Variants in PPARGC1A observed in about 807,000 individuals in gnomAD.
PPARGC1A encodes PPARG coactivator 1 alpha, also known as peroxisome proliferator-activated receptor gamma coactivator 1-alpha.
In PPARGC1A, 25 loss-of-function variants were observed where a neutral mutation model predicts 88.7. That is an observed-to-expected ratio of 0.28 (90% CI 0.21 to 0.39). The LOEUF (loss-of-function observed/expected upper bound fraction) is 0.39. Ranked by LOEUF, PPARGC1A falls within the 10% of genes least tolerant of loss-of-function variation. The pLI, the probability that PPARGC1A is intolerant of heterozygous loss-of-function variation, is 1.00. For synonymous variants in PPARGC1A, 363 were observed against 355.6 expected (o/e 1.02, Z -0.24); for missense variants, 880 against 968.7 (o/e 0.91, Z 1.22).
At chr4:24,434,286 G>A in the PPARGC1A span, among the ~76,000 whole-genome samples, 6 of 152,182 alleles carry the variant, frequency 3.9e-5, no homozygotes, top group Non-Finnish European at 7.3e-5. Context: ...CTAGAATCAT[G>A]AGATTTTTCA....
the PPARGC1A span, among the ~76,000 whole-genome samples, chr4:24,272,855 G>A: frequency 0.044 from 6,753 of 152,316 alleles, 206 homozygotes; most frequent in Middle Eastern, 0.092. Flanking sequence ...GTAAGGGAAA[G>A]CTGTTTCCAG....
chr4:23,953,946 G>A, the PPARGC1A span, among the ~76,000 whole-genome samples: 3 of 151,924 alleles, frequency 2.0e-5, no homozygotes, highest in African/African-American at 7.2e-5. Context: ...AGACCGTACT[G>A]TCTACTAGAA....
At chr4:24,125,357 G>A in the PPARGC1A span, among the ~76,000 whole-genome samples, 1 of 152,028 alleles carries the variant, frequency 6.6e-6, no homozygotes, top group Admixed American at 6.6e-5. Context: ...CTCCCCATCT[G>A]CTTCTTCAAG....
intron 2 of PPARGC1A, among the ~76,000 whole-genome samples, chr4:23,852,965 T>C (rs1443204008): frequency 6.6e-6 from 1 of 152,220 alleles, no homozygotes; most frequent in Non-Finnish European, 1.5e-5. Flanking sequence ...TTTTGCAGGT[T>C]AACAGGATGG....
the PPARGC1A span, among the ~76,000 whole-genome samples, chr4:24,299,075 G>A: frequency 6.6e-6 from 1 of 152,096 alleles, no homozygotes; most frequent in Non-Finnish European, 1.5e-5. Context: ...CCAAGAAGGG[G>A]ATAAAATATT....
At chr4:24,171,240 T>G in the PPARGC1A span, among the ~76,000 whole-genome samples, 1 of 152,052 alleles carries the variant, frequency 6.6e-6, no homozygotes, top group Non-Finnish European at 1.5e-5. Flanking sequence ...ACCCTGTCTC[T>G]ACTAAAAATA....
At chr4:24,269,008 G>A in the PPARGC1A span, among the ~76,000 whole-genome samples, 1 of 151,968 alleles carries the variant, frequency 6.6e-6, no homozygotes, top group Non-Finnish European at 1.5e-5. Flanking sequence ...ACAAGTGGGT[G>A]GAAATTTATG....
At chr4:23,908,111 ATGTTTGTG>A (rs1452387671), upstream of PPARGC1A, among the ~76,000 whole-genome samples, 2 of 152,196 alleles carry the variant, frequency 1.3e-5, no homozygotes, top group African/African-American at 2.4e-5. Flanking sequence ...GTTGGGGCAC[ATGTTTGTG>A]GAAAGGTACA....
the PPARGC1A span, among the ~76,000 whole-genome samples, chr4:24,096,865 C>A: frequency 6.6e-6 from 1 of 152,008 alleles, no homozygotes; most frequent in African/African-American, 2.4e-5. Context: ...TATATATATA[C>A]GAAAAACCTA....
chr4:23,957,000 T>A, the PPARGC1A span, among the ~76,000 whole-genome samples: 1 of 152,060 alleles, frequency 6.6e-6, no homozygotes, highest in African/African-American at 2.4e-5. Flanking sequence ...GTTACAGTGC[T>A]CGTAACTGGT....
the PPARGC1A span, among the ~76,000 whole-genome samples, chr4:24,457,852 C>T: frequency 1.3e-5 from 2 of 152,130 alleles, no homozygotes; most frequent in Non-Finnish European, 2.9e-5. Context: ...CGTGAGCCAC[C>T]GTGCCTGACC....
chr4:24,143,876 C>T, the PPARGC1A span, among the ~76,000 whole-genome samples: 9 of 152,320 alleles, frequency 5.9e-5, no homozygotes, highest in African/African-American at 9.6e-5. Flanking sequence ...AAGCCAGTGA[C>T]GAATTTCAGG....
At chr4:23,830,990 T>C (rs994414162) in intron 3 of PPARGC1A, among the ~76,000 whole-genome samples, 1 of 152,182 alleles carries the variant, frequency 6.6e-6, no homozygotes, top group African/African-American at 2.4e-5. Flanking sequence ...TCTAGGATTG[T>C]ATGTATAAGA....
chr4:24,265,148 C>A, the PPARGC1A span, among the ~76,000 whole-genome samples: 1 of 152,098 alleles, frequency 6.6e-6, no homozygotes, highest in Non-Finnish European at 1.5e-5. Context: ...GTTAAAAGAA[C>A]AAATAAATCA....
the PPARGC1A span, among the ~76,000 whole-genome samples, chr4:23,951,579 G>A: frequency 6.6e-6 from 1 of 152,102 alleles, no homozygotes; most frequent in Admixed American, 6.6e-5. Context: ...CAAAGAAAAT[G>A]TCCATTACCC....
At chr4:24,015,145 G>T in the PPARGC1A span, among the ~76,000 whole-genome samples, 5 of 151,988 alleles carry the variant, frequency 3.3e-5, no homozygotes, top group African/African-American at 1.2e-4. Flanking sequence ...TCATATTTAG[G>T]TCAACAGAAA....
chr4:24,451,757 T>A, the PPARGC1A span, among the ~76,000 whole-genome samples: 5 of 152,156 alleles, frequency 3.3e-5, no homozygotes, highest in Admixed American at 2.0e-4. Flanking sequence ...TTTGTATTTT[T>A]AGTAGAGATG....
chr4:24,229,152 C>CTTTTTTTTTTT, the PPARGC1A span, among the ~76,000 whole-genome samples: 43 of 60,908 alleles, frequency 7.1e-4, no homozygotes, highest in African/African-American at 1.8e-3. Flanking sequence ...GTATCTGGAC[C>CTTTTTTTTTTT]TTTTTTTTTT....
the PPARGC1A span, among the ~76,000 whole-genome samples, chr4:23,924,809 C>A: frequency 6.6e-6 from 1 of 152,132 alleles, no homozygotes; most frequent in Non-Finnish European, 1.5e-5. Context: ...GATTTCCTGG[C>A]ATAGCTCACT....
Sources: allele counts gnomAD v4.1 joint callset (sites outside exome capture counted in the v4.1 genomes callset), GRCh38; gene constraint gnomAD v4.1.1; transcripts MANE v1.5; gene names NCBI Gene and HGNC (gene_info 2026-07-23, HGNC 2026-07-21).